The following MSI2 variants were observed in gnomAD, a reference collection of about 807,000 sequenced individuals.
The protein encoded by MSI2 is RNA-binding protein Musashi homolog 2.
In MSI2, 17 loss-of-function variants were observed where a neutral mutation model predicts 45.6. The observed-to-expected ratio is 0.37, with a 90% CI of 0.26 to 0.56. MSI2 has a LOEUF of 0.56. Ranked by LOEUF, MSI2 falls within the 20% of genes least tolerant of loss-of-function variation. The pLI, the probability that MSI2 is intolerant of heterozygous loss-of-function variation, is 0.77. For missense variants in MSI2, 293 were observed against 444.2 expected (o/e 0.66, Z 3.06); for synonymous variants, 156 against 158.2 (o/e 0.99, Z 0.11).
At chr17:57,553,466 G>A (rs1302509452) in intron 7 of MSI2, among the ~76,000 whole-genome samples, 6 of 152,194 alleles carry the variant, frequency 3.9e-5, no homozygotes, top group African/African-American at 1.4e-4. Context: ...GCTTTTAAAT[G>A]ATGTTAAGAA....
intron 5 of MSI2, chr17:57,267,277 G>A (rs968859044): frequency 1.3e-5 from 2 of 152,238 alleles, no homozygotes; most frequent in East Asian, 3.9e-4. Context: ...CTTTCTTGTC[G>A]GTGAGCACCG....
rs750872183 is a variant in MSI2 at position 57,257,448 on chromosome 17, CTCTT to C, written c.104-14_104-11del. The C allele has an allele frequency of 1.6e-6, 2 of 1,268,804 alleles. No homozygotes were observed. The highest frequency in any genetic ancestry group is 1.2e-5 in the South Asian group (1 of 80,380). 78.6% of individuals were successfully genotyped at this position (1,268,804 alleles called of 1,614,324 possible). Reference sequence around the variant, plus strand: ...CACCTTCTCTCCCCCCCCCATCTCTCTCTTTCTCTCTCTACAGATAGCCTTAGAG... The same window carrying C: ...CACCTTCTCTCCCCCCCCCATCTCTCTCTCTCTCTACAGATAGCCTTAGAG... On this transcript the variant is annotated splice_polypyrimidine_tract_variant and intron_variant, in intron 2 of 13. Coordinates refer to ENST00000284073, the MANE Select transcript of MSI2 (RefSeq NM_138962.4).
rs1482732313 is a variant in MSI2, at chr17:57,356,884, G to A, written c.313-44495G>A. 2.0e-5 allele frequency among the ~76,000 whole-genome samples: 3 copies of A among 152,138 alleles called. No individual in the cohort carries two copies. In the East Asian group the frequency reaches 5.8e-4, roughly 29 times the overall value. ...ATTTAAGAAAAAAAAAATTAAACAGGTGATTAGCAGCTGCTTTCGGTTTTG... is the reference window on the plus strand; with the variant it reads ...ATTTAAGAAAAAAAAAATTAAACAGATGATTAGCAGCTGCTTTCGGTTTTG... On this transcript the variant is annotated intron_variant, in intron 5 of 13. Coordinates refer to ENST00000284073, the MANE Select transcript of MSI2 (RefSeq NM_138962.4).
chr17:57,623,096 A>C (rs1908467541), intron 9 of MSI2, among the ~76,000 whole-genome samples: 2 of 152,210 alleles, frequency 1.3e-5, no homozygotes, highest in African/African-American at 4.8e-5. Context: ...CCTGCAACTC[A>C]GGGTGATTCT....
At position 57,618,764 on chromosome 17, in the gene MSI2, G is replaced by A. The variant is rs563731959; in HGVS notation, c.652+2680G>A. 3.1e-4 allele frequency among the ~76,000 whole-genome samples: 47 copies of A among 152,026 alleles called. No homozygotes were observed. In the South Asian group the frequency reaches 8.7e-3, roughly 28 times the overall value. On this transcript the variant is annotated intron_variant, in intron 9 of 13. Coordinates refer to ENST00000284073, the MANE Select transcript of MSI2 (RefSeq NM_138962.4). ...TCACCATGTTGGCCAGGATGGTCTC[G>A]ATCTCTTGACCTTGTGATCCACCCG...
At chr17:57,474,745 G>C (rs1352930614) in intron 6 of MSI2, among the ~76,000 whole-genome samples, 2 of 151,824 alleles carry the variant, frequency 1.3e-5, no homozygotes, top group Admixed American at 1.3e-4. Context: ...TTTGGAGACA[G>C]TCTTGCTCTG....
chr17:57,417,066 C>T lies in MSI2; in HGVS notation c.405+15595C>T, dbSNP rs143294694. Among the ~76,000 whole-genome samples, 440 of 152,220 alleles carry T rather than the reference C, an allele frequency of 2.9e-3. 3 individuals carry two copies. The highest frequency in any genetic ancestry group is 4.6e-3 in the Non-Finnish European group (312 of 68,008). Reference sequence around the variant, plus strand: ...TGCCAGTGTCACTGCGAGGTGGGGACGGTGGTTGCTGCTGTGGAGCTCCTC... The same window carrying T: ...TGCCAGTGTCACTGCGAGGTGGGGATGGTGGTTGCTGCTGTGGAGCTCCTC... On this transcript the variant is annotated intron_variant, in intron 6 of 13. Transcript: ENST00000284073.
chr17:57,445,247 G>A (rs759687294), intron 6 of MSI2, among the ~76,000 whole-genome samples: 13 of 152,184 alleles, frequency 8.5e-5, no homozygotes, highest in Admixed American at 6.5e-5. Context: ...ACCAAGCCGC[G>A]TGTTTGTGTC....
chr17:57,409,140 GA>G (rs1295480687), intron 6 of MSI2, among the ~76,000 whole-genome samples: 1 of 152,070 alleles, frequency 6.6e-6, no homozygotes. Flanking sequence ...GAGAGCCCCA[GA>G]AAAAAATGTT....
chr17:57,356,257 A>G (rs938285265), intron 5 of MSI2, among the ~76,000 whole-genome samples: 21 of 152,180 alleles, frequency 1.4e-4, no homozygotes, highest in Admixed American at 4.6e-4. Flanking sequence ...CACACATACC[A>G]GATCTCCCCT....
chr17:57,315,243 T>C (rs1432898444), intron 5 of MSI2, among the ~76,000 whole-genome samples: 3 of 152,158 alleles, frequency 2.0e-5, no homozygotes, highest in Non-Finnish European at 4.4e-5. Flanking sequence ...CGGATACCAA[T>C]GTCTTGTCCT....
intron 6 of MSI2, among the ~76,000 whole-genome samples, chr17:57,437,405 C>T (rs2084708873): frequency 2.0e-5 from 3 of 152,120 alleles, no homozygotes; most frequent in South Asian, 2.1e-4. Context: ...CAGGTCAGAA[C>T]TCGAATTCCA....
At chr17:57,309,365 A>T (rs763687196) in intron 5 of MSI2, among the ~76,000 whole-genome samples, 11 of 152,194 alleles carry the variant, frequency 7.2e-5, no homozygotes, top group Middle Eastern at 3.4e-3. Flanking sequence ...TTTATTCTGA[A>T]ATTGCTTTGG....
At chr17:57,690,701 C>T in the MSI2 span, among the ~76,000 whole-genome samples, 3 of 151,336 alleles carry the variant, frequency 2.0e-5, no homozygotes, top group Admixed American at 6.6e-5. Flanking sequence ...TTATCAAATA[C>T]GTGCTTGCAA....
chr17:57,324,119 G>A (rs1200220444), intron 5 of MSI2, among the ~76,000 whole-genome samples: 2 of 152,210 alleles, frequency 1.3e-5, no homozygotes, highest in Non-Finnish European at 2.9e-5. Context: ...ACCAGCCTGG[G>A]TAACATAGCA....
intron 8 of MSI2, among the ~76,000 whole-genome samples, chr17:57,605,857 C>T (rs1381889761): frequency 6.6e-6 from 1 of 152,246 alleles, no homozygotes; most frequent in Non-Finnish European, 1.5e-5. Context: ...CACGCAGGGC[C>T]TCTGGCCCAG....
Position 57,683,181 on chromosome 17 carries a change from A to G in MSI2, c.*3664A>G, listed in dbSNP as rs1913717532. On this transcript the variant is annotated 3_prime_UTR_variant, in exon 14 of 14. Transcript: ENST00000284073. The surrounding 1 kb of genome is among the most constrained non-coding windows in gnomAD (Gnocchi z 5.2). ...TCTATTGCTGTCAATTTACTGTTTC[A>G]CTGCACAGCAATCACAGCCAGTGAA... 1 of 229,058 alleles carries G rather than the reference A, an allele frequency of 4.4e-6. No homozygotes were observed. The highest frequency in any genetic ancestry group is 2.2e-5 in the African/African-American group (1 of 45,110). The allele number at this position is 229,058 out of a possible 1,614,324, so 14.2% of individuals were successfully genotyped here. A position where few individuals can be genotyped will look rare whatever the true frequency, so the allele number is the denominator to read the frequency against.
intron 6 of MSI2, among the ~76,000 whole-genome samples, chr17:57,473,080 A>T (rs1199100663): frequency 6.6e-6 from 1 of 152,116 alleles, no homozygotes; most frequent in Non-Finnish European, 1.5e-5. Context: ...TTTAGTAGAG[A>T]CGGGGTTTCA....
intron 6 of MSI2, among the ~76,000 whole-genome samples, chr17:57,501,489 G>A (rs953161745): frequency 6.6e-6 from 1 of 152,218 alleles, no homozygotes; most frequent in African/African-American, 2.4e-5. Flanking sequence ...TTTCAAGAAG[G>A]CAGTTTATCC....
Sources: allele counts gnomAD v4.1 joint callset (sites outside exome capture counted in the v4.1 genomes callset), GRCh38; gene constraint gnomAD v4.1.1; non-coding constraint Gnocchi (gnomAD v3.1); transcripts MANE v1.5; gene names NCBI Gene and HGNC (gene_info 2026-07-23, HGNC 2026-07-21).